The following GLS variants were observed in gnomAD, a reference collection of about 807,000 sequenced individuals.
GLS encodes the protein glutaminase kidney isoform, mitochondrial.
Under a neutral mutation model 86.7 loss-of-function variants are expected in GLS, and 36 were observed. That is an observed-to-expected ratio of 0.42 (90% CI 0.32 to 0.55). The LOEUF is 0.55. Ranked by LOEUF, GLS falls within the 20% of genes least tolerant of loss-of-function variation. GLS has a pLI of 0.17. For missense variants in GLS, 528 were observed against 833.4 expected (o/e 0.63, Z 4.51); for synonymous variants, 317 against 305.9 (o/e 1.04, Z -0.38).
intron 9 of GLS, among the ~76,000 whole-genome samples, chr2:190,922,058 G>C (rs1689754126): frequency 6.6e-6 from 1 of 152,050 alleles, no homozygotes; most frequent in Non-Finnish European, 1.5e-5. Context: ...ACCAGGGGTT[G>C]CTGACTTTTT....
chr2:190,910,737 G>A (rs1019827211), intron 7 of GLS, among the ~76,000 whole-genome samples: 1 of 151,276 alleles, frequency 6.6e-6, no homozygotes, highest in Non-Finnish European at 1.5e-5. Flanking sequence ...GGGAACAAAT[G>A]TTCTGGTACT....
At chr2:190,890,912 C>G (rs946908702) in intron 1 of GLS, among the ~76,000 whole-genome samples, 10 of 151,988 alleles carry the variant, frequency 6.6e-5, no homozygotes, top group African/African-American at 2.4e-4. Context: ...GACTTGACCC[C>G]AGCCTTGAAG....
intron 9 of GLS, among the ~76,000 whole-genome samples, chr2:190,922,363 T>C (rs1184052087): frequency 6.6e-6 from 1 of 152,150 alleles, no homozygotes; most frequent in Non-Finnish European, 1.5e-5. Context: ...CTGCTTCGCA[T>C]TTCAGGGGTA....
chr2:190,920,615 A>G lies in GLS; in HGVS notation c.1039-409A>G, dbSNP rs541827055. Reference sequence around the variant, plus strand: ...ATAAAATATAAGTAGATTGTTCTTAATTGAAATATTTTATATATACTTAAT... The same window carrying G: ...ATAAAATATAAGTAGATTGTTCTTAGTTGAAATATTTTATATATACTTAAT... On this transcript the variant is annotated intron_variant, in intron 7 of 17. Transcript: ENST00000320717. This position sits in a 1 kb window ranked among gnomAD's most constrained non-coding sequence, Gnocchi z 4.2. Among the ~76,000 whole-genome samples the G allele has an allele frequency of 1.1e-3, 160 of 151,926 alleles. No individual in the cohort carries two copies. Among genetic ancestry groups the G allele is most frequent in the Admixed American group, 1.9e-3 (29 of 15,248 alleles).
chr2:190,931,314 A>G (rs1205031611), intron 13 of GLS, among the ~76,000 whole-genome samples: 1 of 152,124 alleles, frequency 6.6e-6, no homozygotes, highest in Non-Finnish European at 1.5e-5. Flanking sequence ...TAGAAGATGA[A>G]AGATGATTTG....
At chr2:190,910,215 C>G (rs753560084) in intron 6 of GLS, 48 bp from the exon 7 acceptor site, 2 of 1,053,242 alleles carry the variant, frequency 1.9e-6, no homozygotes, top group Admixed American at 4.1e-5. Context: ...TAATATTACT[C>G]AAGTGTTTAA....
chr2:190,911,730 T>C (rs538161868), intron 7 of GLS, among the ~76,000 whole-genome samples: 1 of 152,220 alleles, frequency 6.6e-6, no homozygotes, highest in African/African-American at 2.4e-5. Flanking sequence ...CTATAATGTA[T>C]GTGTTAATGC....
rs1372972259 is a variant in GLS at position 190,905,562 on chromosome 2, T to C, written c.979+395T>C. ...ATATTATTCTATCTATTATATTGTA[T>C]ATAGTAGTTGAAAGTTTTATTGTGG... On this transcript the variant is annotated intron_variant, in intron 6 of 17. Coordinates refer to ENST00000320717, the MANE Select transcript of GLS (RefSeq NM_014905.5). The surrounding 1 kb of genome is among the most constrained non-coding windows in gnomAD (Gnocchi z 4.6). Among the ~76,000 whole-genome samples the C allele has an allele frequency of 6.6e-6, 1 of 152,146 alleles. No homozygotes were observed. The highest frequency in any genetic ancestry group is 1.5e-5 in the Non-Finnish European group (1 of 67,960).
intron 12 of GLS, among the ~76,000 whole-genome samples, chr2:190,928,592 C>A (rs1355466571): frequency 6.6e-6 from 1 of 152,004 alleles, no homozygotes; most frequent in Non-Finnish European, 1.5e-5. Context: ...GCCTCAGCCT[C>A]CCAAATTGCT....
At position 190,949,624 on chromosome 2, in the gene GLS, C is replaced by T. The variant is rs747210347; in HGVS notation, c.1651-3941C>T. ...GGGAGAATCACTTGAACCCGAGAGG[C>T]GAAGGTTGTATGAGCCGAGATCTTG... is the stretch of plus-strand genomic sequence containing the variant. On this transcript the variant is annotated intron_variant, in intron 14 of 17. Coordinates refer to ENST00000320717, the MANE Select transcript of GLS (RefSeq NM_014905.5). The surrounding 1 kb of genome is among the most constrained non-coding windows in gnomAD (Gnocchi z 4.0). 5.3e-5 allele frequency among the ~76,000 whole-genome samples: 8 copies of T among 151,814 alleles called. No homozygotes were observed. The highest frequency in any genetic ancestry group is 1.9e-4 in the East Asian group (1 of 5,178).
chr2:190,906,662 C>T (rs1013436896), intron 6 of GLS, among the ~76,000 whole-genome samples: 1 of 152,138 alleles, frequency 6.6e-6, no homozygotes, highest in Non-Finnish European at 1.5e-5. Context: ...CACTATATTA[C>T]ACCTTCCTGA....
rs890577155 is a variant in GLS at position 190,920,279 on chromosome 2, G to A, written c.1039-745G>A. On this transcript the variant is annotated intron_variant, in intron 7 of 17. Coordinates refer to ENST00000320717, the MANE Select transcript of GLS (RefSeq NM_014905.5). This position sits in a 1 kb window ranked among gnomAD's most constrained non-coding sequence, Gnocchi z 4.2. ...ATGAAACCATTTGGCTACTTGAACTGATCTACATTACATAGATTTTTCCTA... is the reference window on the plus strand; with the variant it reads ...ATGAAACCATTTGGCTACTTGAACTAATCTACATTACATAGATTTTTCCTA... 3 of 151,816 alleles carry A rather than the reference G, an allele frequency of 2.0e-5. No individual in the cohort carries two copies. Among genetic ancestry groups the A allele is most frequent in the Admixed American group, 6.6e-5 (1 of 15,234 alleles). 9.4% of individuals were successfully genotyped at this position (151,816 alleles called of 1,614,324 possible). A position where few individuals can be genotyped will look rare whatever the true frequency, so the allele number is the denominator to read the frequency against.
chr2:190,898,045 T>C (rs2124831873), intron 3 of GLS, among the ~76,000 whole-genome samples: 1 of 152,298 alleles, frequency 6.6e-6, no homozygotes, highest in South Asian at 2.1e-4. Context: ...AGTAAAAATA[T>C]TTGTGTGGAA....
chr2:190,901,995 G>A lies in GLS; in HGVS notation c.784G>A (p.Gly262Ser). The part of the protein sequence containing the change: ...QLAKFSPDLW[G>S]VSVCTVDGQR... ...GGCCAAATTCAGTCCCGATTTGTGG[G>A]GTGTGTCTGTTTGTACAGTAGATGG... Residue 262 changes from glycine (G) to serine (S), a missense_variant, in exon 5 of 18, where the codon GGT (glycine) becomes AGT (serine). Coordinates refer to ENST00000320717, the MANE Select transcript of GLS (RefSeq NM_014905.5). 1 of 1,611,638 alleles carries A rather than the reference G, an allele frequency of 6.2e-7. No individual in the cohort carries two copies. Among genetic ancestry groups the A allele is most frequent in the Non-Finnish European group, 8.5e-7 (1 of 1,177,988 alleles).
intron 11 of GLS, among the ~76,000 whole-genome samples, chr2:190,926,444 C>T (rs988663468): frequency 9.9e-5 from 15 of 152,100 alleles, no homozygotes; most frequent in Non-Finnish European, 1.5e-5. Context: ...CTTTGTGCCT[C>T]TTGTAGATCT....
At chr2:190,882,660 TA>T (rs1157178395) in intron 1 of GLS, among the ~76,000 whole-genome samples, 2 of 152,204 alleles carry the variant, frequency 1.3e-5, no homozygotes, top group African/African-American at 4.8e-5. Context: ...GAAACTTTTC[TA>T]AAGTTCTTCT....
At chr2:190,902,471 T>TAAAA (rs1393363613) in intron 5 of GLS, among the ~76,000 whole-genome samples, 1 of 152,150 alleles carries the variant, frequency 6.6e-6, no homozygotes, top group Non-Finnish European at 1.5e-5. Context: ...ATCCCAAAGT[T>TAAAA]AAAAGTCAGT....
chr2:190,883,983 T>A (rs577766446), intron 1 of GLS, among the ~76,000 whole-genome samples: 2 of 152,214 alleles, frequency 1.3e-5, no homozygotes, highest in Non-Finnish European at 2.9e-5. Context: ...AACTTTAGTG[T>A]GGTTTAGGAT....
chr2:190,920,908 T>G lies in GLS; in HGVS notation c.1039-116T>G, dbSNP rs1449805789. On this transcript the variant is annotated intron_variant, in intron 7 of 17. Transcript: ENST00000320717. This position sits in a 1 kb window ranked among gnomAD's most constrained non-coding sequence, Gnocchi z 4.2. ...AATTACTTTAGAACTATTTCCTAGA[T>G]TTAAAAATACTAATGCAGTATATTA... The G allele has an allele frequency of 1.7e-6, 1 of 590,554 alleles. No individual in the cohort carries two copies. Among genetic ancestry groups the G allele is most frequent in the East Asian group, 2.8e-5 (1 of 35,652 alleles). The allele number at this position is 590,554 out of a possible 1,614,324, so 36.6% of individuals were successfully genotyped here. A position where few individuals can be genotyped will look rare whatever the true frequency, so the allele number is the denominator to read the frequency against.
Sources: allele counts gnomAD v4.1 joint callset (sites outside exome capture counted in the v4.1 genomes callset), GRCh38; gene constraint gnomAD v4.1.1; non-coding constraint Gnocchi (gnomAD v3.1); transcripts MANE v1.5; gene names NCBI Gene and HGNC (gene_info 2026-07-23, HGNC 2026-07-21).